TPO: variants seen among roughly 807,000 people sequenced by gnomAD.
The protein encoded by TPO is thyroid peroxidase.
A neutral mutation model predicts 96.9 loss-of-function variants in TPO; 78 were observed. The observed-to-expected ratio is 0.81, with a 90% CI of 0.67 to 0.97. The LOEUF (loss-of-function observed/expected upper bound fraction) is 0.97. Among genes scored for constraint, TPO ranks in the 50% least tolerant of loss-of-function variants. TPO has a pLI of 0.00. For synonymous variants in TPO, 547 were observed against 538.0 expected (o/e 1.02, Z -0.23); for missense variants, 1,252 against 1,274.8 (o/e 0.98, Z 0.27).
chr2:1,481,198 A>G (rs1670607182), intron 8 of TPO, among the ~76,000 whole-genome samples: 1 of 130,424 alleles, frequency 7.7e-6, no homozygotes, highest in Non-Finnish European at 1.6e-5. Flanking sequence ...GGTGTGTCAT[A>G]AGACAAGAAC....
intron 5 of TPO, among the ~76,000 whole-genome samples, chr2:1,444,301 G>A (rs1390042386): frequency 5.5e-5 from 8 of 145,236 alleles, no homozygotes; most frequent in Non-Finnish European, 9.1e-5. Context: ...GGAAGGGAAC[G>A]GGGCAGGCTC....
At position 1,533,941 on chromosome 2, in the gene TPO, ATGCAACCTCCTCAAATCCCCACCACTCTG is replaced by A. The variant is rs1336927300; in HGVS notation, c.2619-6642_2619-6614del. ...AACCTCCATAAATCCAACCAAATGT[ATGCAACCTCCTCAAATCCCCACCACTCTG>A]TGCAACCTCCCCAAATCCCCATCAC... On this transcript the variant is annotated intron_variant, in intron 15 of 16. Transcript: ENST00000329066. Among the ~76,000 whole-genome samples, 240 of 75,512 alleles carry A rather than the reference ATGCAACCTCCTCAAATCCCCACCACTCTG, an allele frequency of 3.2e-3. 9 individuals carry two copies. Among genetic ancestry groups the A allele is most frequent in the African/African-American group, 0.011 (219 of 20,438 alleles). 49.5% of individuals were successfully genotyped at this position (75,512 alleles called of 152,430 possible). A position where few individuals can be genotyped will look rare whatever the true frequency, so the allele number is the denominator to read the frequency against.
At chr2:1,511,286 C>CAGCCCTGCAGACTGGGGGTGCCACAGCAA (rs1288628933) in intron 14 of TPO, among the ~76,000 whole-genome samples, 18 of 77,510 alleles carry the variant, frequency 2.3e-4, no homozygotes, top group Non-Finnish European at 3.6e-4. Context: ...TGCCACAGCG[C>CAGCCCTGCAGACTGGGGGTGCCACAGCAA]AGCCCTGCAG....
intron 7 of TPO, among the ~76,000 whole-genome samples, chr2:1,458,874 G>A (rs1668138130): frequency 6.6e-6 from 1 of 152,134 alleles, no homozygotes; most frequent in African/African-American, 2.4e-5. Context: ...AGCATGAGTT[G>A]CCTTCTGCTT....
chr2:1,517,940 T>TCCC (rs28913017), intron 15 of TPO, among the ~76,000 whole-genome samples: 1 of 150,076 alleles, frequency 6.7e-6, no homozygotes, highest in African/African-American at 2.5e-5. Flanking sequence ...AGTGCCAGGC[T>TCCC]CCCCCCCCCA....
intron 14 of TPO, among the ~76,000 whole-genome samples, chr2:1,510,973 A>G (rs1674045610): frequency 6.6e-6 from 1 of 152,258 alleles, no homozygotes; most frequent in African/African-American, 2.4e-5. Flanking sequence ...AGACGTAGAT[A>G]CACATATAGA....
At chr2:1,495,118 G>C (rs867124309) in intron 11 of TPO, among the ~76,000 whole-genome samples, 9 of 152,220 alleles carry the variant, frequency 5.9e-5, no homozygotes, top group South Asian at 2.1e-4. Flanking sequence ...TCTGAAATCA[G>C]TGCAGAGGCA....
At chr2:1,408,296 G>T (rs895499652) in intron 1 of TPO, among the ~76,000 whole-genome samples, 2 of 152,192 alleles carry the variant, frequency 1.3e-5, no homozygotes, top group African/African-American at 4.8e-5. Context: ...AGAGCTCTCA[G>T]GTCACTACTG....
upstream of TPO, among the ~76,000 whole-genome samples, chr2:1,410,894 T>C (rs1338311775): frequency 6.6e-6 from 1 of 152,230 alleles, no homozygotes; most frequent in African/African-American, 2.4e-5. Context: ...TCTTTCTCAC[T>C]GAGTCTCCCC....
rs1573395846 is a variant in TPO, at chr2:1,488,686, T to C, written c.1768+695T>C. ...CTATTCTGTGTGCAGCTCTGTTCTCTCCACGTACCCTGGGAGCTTGGGAGG... is the reference window on the plus strand; with the variant it reads ...CTATTCTGTGTGCAGCTCTGTTCTCCCCACGTACCCTGGGAGCTTGGGAGG... On this transcript the variant is annotated intron_variant, in intron 10 of 16. Coordinates refer to ENST00000329066, the MANE Select transcript of TPO (RefSeq NM_001206744.2). Among the ~76,000 whole-genome samples the C allele has an allele frequency of 3.9e-5, 6 of 152,312 alleles. No homozygotes were observed. In the South Asian group the frequency reaches 8.3e-4, roughly 21 times the overall value.
intron 10 of TPO, among the ~76,000 whole-genome samples, chr2:1,492,446 C>A (rs1671864540): frequency 6.6e-6 from 1 of 152,058 alleles, no homozygotes; most frequent in South Asian, 2.1e-4. Context: ...TGAGCCACCG[C>A]ACCTGGCCTC....
intron 13 of TPO, among the ~76,000 whole-genome samples, chr2:1,503,549 T>A (rs527859729): frequency 1.3e-5 from 2 of 152,268 alleles, no homozygotes; most frequent in African/African-American, 4.8e-5. Context: ...TCAGAGGACC[T>A]GCCGGCCAGC....
chr2:1,413,348 C>G (rs773824441), upstream of TPO: 1 of 152,140 alleles, frequency 6.6e-6, no homozygotes, highest in Non-Finnish European at 1.5e-5. Context: ...GCAAACACAA[C>G]AAAGCCCGCA....
chr2:1,444,066 C>T (rs1159055916), intron 5 of TPO, among the ~76,000 whole-genome samples: 5 of 139,332 alleles, frequency 3.6e-5, no homozygotes, highest in African/African-American at 1.1e-4. Context: ...ATGATCCAGT[C>T]ATTGCTGCGG....
chr2:1,474,521 T>A (rs972252159), intron 7 of TPO, among the ~76,000 whole-genome samples: 2 of 152,220 alleles, frequency 1.3e-5, no homozygotes, highest in Non-Finnish European at 2.9e-5. Context: ...ACCTTGGAGT[T>A]ACCTATCCTT....
chr2:1,526,998 TCCTC>T (rs1676695306), intron 15 of TPO, among the ~76,000 whole-genome samples: 1 of 111,576 alleles, frequency 9.0e-6, no homozygotes, highest in Non-Finnish European at 1.7e-5. Flanking sequence ...GTGTGCAACC[TCCTC>T]AAATCCCCCC....
At chr2:1,477,701 C>T (rs563720512) in intron 8 of TPO, 97 bp downstream of exon 8, 2 of 1,388,668 alleles carry the variant, frequency 1.4e-6, no homozygotes, top group African/African-American at 3.0e-5. Flanking sequence ...CTCCCAGGTA[C>T]TTGCACAGCC....
intron 1 of TPO, among the ~76,000 whole-genome samples, chr2:1,376,532 C>T (rs1428403080): frequency 6.6e-6 from 1 of 152,226 alleles, no homozygotes; most frequent in Admixed American, 6.5e-5. Context: ...ACGGGGCATT[C>T]GCGGGAGCAC....
chr2:1,501,319 C>T lies in TPO; in HGVS notation c.2387-2629C>T, dbSNP rs72776239. On this transcript the variant is annotated intron_variant, in intron 13 of 16. Coordinates refer to ENST00000329066, the MANE Select transcript of TPO (RefSeq NM_001206744.2). ...GCGAAGCAGTCGGAGAGCAGAGCCT[C>T]GGCCTCCATGCAGGTCACCCTGGTA... is the stretch of plus-strand genomic sequence containing the variant. Among the ~76,000 whole-genome samples the T allele has an allele frequency of 2.3e-3, 355 of 151,122 alleles. 1 individual carries two copies. Among genetic ancestry groups the T allele is most frequent in the Non-Finnish European group, 3.6e-3 (244 of 67,142 alleles).
Sources: gnomAD v4.1 joint callset for allele counts (sites outside exome capture counted in the v4.1 genomes callset) on GRCh38, gnomAD v4.1.1 for gene constraint, MANE v1.5 for transcripts, NCBI Gene and HGNC (gene_info 2026-07-23, HGNC 2026-07-21) for gene names.